TJP1: variants seen among roughly 807,000 people sequenced by gnomAD.
The protein encoded by TJP1 is tight junction protein 1.
TJP1 carries 43 observed loss-of-function variants against 194.2 expected under a neutral mutation model. The ratio of observed to expected loss-of-function variants is 0.22; its 90% CI spans 0.17 to 0.29. The LOEUF (loss-of-function observed/expected upper bound fraction) is 0.29. Ranked by LOEUF, TJP1 falls within the 10% of genes least tolerant of loss-of-function variation. TJP1 has a pLI of 1.00. For missense variants in TJP1, 1,971 were observed against 2,185.7 expected, an observed-to-expected ratio of 0.90 and a Z score of 1.96; for synonymous variants, 801 against 779.0, an observed-to-expected ratio of 1.03 and a Z score of -0.47.
At chr15:29,792,714 C>T (rs916598357) in intron 2 of TJP1, among the ~76,000 whole-genome samples, 4 of 152,202 alleles carry the variant, frequency 2.6e-5, no homozygotes, top group Admixed American at 6.5e-5. Context: ...TTTAACAACA[C>T]TGATTCCAAC....
intron 5 of TJP1, among the ~76,000 whole-genome samples, chr15:29,765,525 T>C (rs986000900): frequency 6.6e-6 from 1 of 152,130 alleles, no homozygotes; most frequent in African/African-American, 2.4e-5. Flanking sequence ...TACTGCATTA[T>C]GGAGAAATGC....
At chr15:29,862,930 G>C (rs989438501) in intron 2 of TJP1, among the ~76,000 whole-genome samples, 14 of 151,508 alleles carry the variant, frequency 9.2e-5, no homozygotes, top group Non-Finnish European at 1.9e-4. Flanking sequence ...TTACAGGCGT[G>C]AGCCACCGTG....
In TJP1 at chr15:29,907,851, C is replaced by G. The variant is rs79150748; in HGVS notation, c.306+48381G>C. On this transcript the variant is annotated intron_variant, in intron 2 of 28. Coordinates refer to the TJP1 transcript ENST00000356107. The stretch of plus-strand genomic sequence containing the variant: ...CTCCCTATGCAGAGATGTTGAACAC[C>G]GCCTAATTCCTTTGCTTGCATAACA... Among the ~76,000 whole-genome samples, 1,412 of 151,508 alleles carry G rather than the reference C, an allele frequency of 9.3e-3. 17 individuals are homozygous for G. Among genetic ancestry groups the G allele is most frequent in the African/African-American group, 0.032 (1,331 of 41,296 alleles).
At chr15:29,725,895 C>G (rs765198262) in intron 18 of TJP1, among the ~76,000 whole-genome samples, 5 of 152,134 alleles carry the variant, frequency 3.3e-5, no homozygotes, top group African/African-American at 4.8e-5. Context: ...CCAGTGGGTA[C>G]GAGGATACTC....
chr15:29,840,492 G>A (rs1041950832), intron 2 of TJP1, among the ~76,000 whole-genome samples: 1 of 152,160 alleles, frequency 6.6e-6, no homozygotes, highest in African/African-American at 2.4e-5. Context: ...AAAGGGTGAC[G>A]GAAGACAGGC....
At chr15:29,819,683 A>G (rs1217775288) in intron 1 of TJP1, among the ~76,000 whole-genome samples, 1 of 152,206 alleles carries the variant, frequency 6.6e-6, no homozygotes, top group Non-Finnish European at 1.5e-5. Context: ...ACAACACTAG[A>G]AGACACTGAC....
chr15:29,915,958 C>T (rs1257397137), intron 2 of TJP1, among the ~76,000 whole-genome samples: 1 of 151,924 alleles, frequency 6.6e-6, no homozygotes, highest in African/African-American at 2.4e-5. Context: ...AGGAGCTGTC[C>T]TCTTTTTAAA....
At chr15:29,737,227 T>C (rs758894575) in intron 11 of TJP1, 37 bp downstream of exon 11, 1 of 1,604,430 alleles carries the variant, frequency 6.2e-7, no homozygotes, top group East Asian at 2.2e-5. Flanking sequence ...GTGATCCAAA[T>C]ACTTTTTAAC....
intron 2 of TJP1, among the ~76,000 whole-genome samples, chr15:29,933,710 CT>C (rs1483193208): frequency 1.3e-5 from 2 of 152,114 alleles, no homozygotes; most frequent in Admixed American, 1.3e-4. Flanking sequence ...GATCTGTTAT[CT>C]GTCTACCTTC....
At chr15:29,769,386 A>G (rs1422979623) in intron 4 of TJP1, among the ~76,000 whole-genome samples, 1 of 152,236 alleles carries the variant, frequency 6.6e-6, no homozygotes, top group Non-Finnish European at 1.5e-5. Flanking sequence ...AACTGGCAAT[A>G]CATACATCAA....
In TJP1 at chr15:29,733,148, C is replaced by G. The variant is rs369890947; in HGVS notation, c.1682G>C (p.Arg561Pro). 4.3e-6 allele frequency: 7 copies of G among 1,614,036 alleles called. No individual in the cohort carries two copies. Among genetic ancestry groups the G allele is most frequent in the Non-Finnish European group, 5.1e-6 (6 of 1,180,006 alleles). ...NGKLGSWLAI[R>P]IGKNHKEVER... Reference sequence around the variant, plus strand: ...TACCTCCTTATGATTTTTACCAATTCGAATAGCAAGCCAAGAGCCCAGTTT... The same window carrying G: ...TACCTCCTTATGATTTTTACCAATTGGAATAGCAAGCCAAGAGCCCAGTTT... The change falls in exon 13 of 28, where the codon CGA (arginine) becomes CCA (proline). Residue 561 changes from arginine to proline, a missense_variant. Physicochemically the swap from Arg to Pro is moderately radical, Grantham distance 103. Transcript: ENST00000614355.
At chr15:29,699,614 A>G (rs1475704636), downstream of TJP1, 2 of 152,242 alleles carry the variant, frequency 1.3e-5, no homozygotes, top group Admixed American at 6.5e-5. Context: ...TGAAAAAAAT[A>G]AAATCCACAT....
At position 29,761,129 on chromosome 15, in the gene TJP1, G is replaced by C; in HGVS notation, c.1010+10C>G. On this transcript the variant is annotated intron_variant, in intron 8 of 27. Coordinates refer to ENST00000614355, the MANE Select transcript of TJP1 (RefSeq NM_001330239.4). ...ACCCCTGTATTTTTTAAAAAAATAG[G>C]GTGTCTTACCTGCCATTGCTTGGCT... 2 of 1,567,372 alleles carry C rather than the reference G, an allele frequency of 1.3e-6. No homozygotes were observed. Among genetic ancestry groups the C allele is most frequent in the Non-Finnish European group, 1.7e-6 (2 of 1,158,156 alleles).
Position 29,822,043 on chromosome 15 carries a change from G to C in TJP1, c.-15C>G. On this transcript the variant is annotated 5_prime_UTR_variant, in exon 1 of 28. Coordinates refer to ENST00000614355, the MANE Select transcript of TJP1 (RefSeq NM_001330239.4). ...CTGGCGGACATCTTGTCTCTCTCCA[G>C]CGCCGCGCGAGGCTCCTCGGACCCG... 1 of 1,318,984 alleles carries C rather than the reference G, an allele frequency of 7.6e-7. No individual in the cohort carries two copies. Among genetic ancestry groups the C allele is most frequent in the Non-Finnish European group, 9.7e-7 (1 of 1,033,046 alleles). The allele number at this position is 1,318,984 out of a possible 1,614,324, so 81.7% of individuals were successfully genotyped here.
At chr15:29,814,810 T>G (rs1245185076) in intron 1 of TJP1, among the ~76,000 whole-genome samples, 2 of 152,200 alleles carry the variant, frequency 1.3e-5, no homozygotes, top group African/African-American at 2.4e-5. Context: ...TTCCCAGTAT[T>G]TTCAGTATAT....
At chr15:29,774,157 T>C (rs1406632001) in intron 2 of TJP1, among the ~76,000 whole-genome samples, 1 of 152,228 alleles carries the variant, frequency 6.6e-6, no homozygotes, top group Non-Finnish European at 1.5e-5. Context: ...CAGAAATGTA[T>C]GTTTTTGTAT....
chr15:29,918,692 T>A (rs1226269908), intron 2 of TJP1, among the ~76,000 whole-genome samples: 1 of 152,024 alleles, frequency 6.6e-6, no homozygotes, highest in Non-Finnish European at 1.5e-5. Context: ...TAAGCTGAGA[T>A]TGTGCCACTG....
chr15:29,968,597 T>C, intron 1 of TJP1: 1 of 916,430 alleles, frequency 1.1e-6, no homozygotes. Flanking sequence ...CCGCTCGCTC[T>C]CCCACTCCGG....
At position 29,726,477 on chromosome 15, in the gene TJP1, T is replaced by C. The variant is rs1032936943; in HGVS notation, c.2314A>G (p.Thr772Ala). ...RKNNHHLFTT[T>A]INLNSMNDGW... ...TCATTCATTGAATTTAAGTTAATTG[T>C]AGCTGAAAATAAATTAACGATGTAG... Residue 772 changes from threonine to alanine, a missense_variant and splice_region_variant, in exon 18 of 28, where the codon ACA (threonine) becomes GCA (alanine). Around this residue, in one of 5 missense-constraint regions of TJP1, gnomAD observed 402 missense variants for 484.2 expected, o/e 0.83. Coordinates refer to ENST00000614355, the MANE Select transcript of TJP1 (RefSeq NM_001330239.4). 7 of 1,613,530 alleles carry C rather than the reference T, an allele frequency of 4.3e-6. No individual in the cohort carries two copies. In the African/African-American group the frequency reaches 6.7e-5, roughly 15 times the overall value.
Sources: allele counts gnomAD v4.1 joint callset (sites outside exome capture counted in the v4.1 genomes callset), GRCh38; gene constraint gnomAD v4.1.1; regional missense constraint gnomAD v4.1.1; transcripts MANE v1.5; gene names NCBI Gene and HGNC (gene_info 2026-07-23, HGNC 2026-07-21).